Variants in SLC28A3 observed in about 807,000 individuals in gnomAD.
SLC28A3 encodes the protein concentrative Na(+)-nucleoside cotransporter 3.
SLC28A3 carries 68 observed loss-of-function variants against 84.2 expected under a neutral mutation model. The ratio of observed to expected loss-of-function variants is 0.81; its 90% CI spans 0.66 to 0.99. SLC28A3 has a LOEUF of 0.99. Ranked by LOEUF, SLC28A3 falls within the 50% of genes least tolerant of loss-of-function variation. SLC28A3 has a pLI of 0.00. For missense variants in SLC28A3, 712 were observed against 841.5 expected (o/e 0.85, Z 1.90); for synonymous variants, 267 against 303.6 (o/e 0.88, Z 1.25).
At chr9:84,363,694 G>C in the SLC28A3 span, among the ~76,000 whole-genome samples, 2 of 152,160 alleles carry the variant, frequency 1.3e-5, no homozygotes, top group Admixed American at 6.5e-5. Flanking sequence ...TTCTGAGTCA[G>C]AATGGGAAGT....
chr9:84,285,890 A>C (rs1824963171), intron 13 of SLC28A3, 53 bp downstream of exon 13: 1 of 1,555,726 alleles, frequency 6.4e-7, no homozygotes, highest in Non-Finnish European at 8.7e-7. Flanking sequence ...TTTTATTTTT[A>C]AACAAAGATA....
chr9:84,364,118 CTCT>C, the SLC28A3 span, among the ~76,000 whole-genome samples: 1 of 134,820 alleles, frequency 7.4e-6, no homozygotes, highest in Non-Finnish European at 1.5e-5. Context: ...TCCAGTTACA[CTCT>C]TTTTTTTTTT....
At chr9:84,304,776 C>A (rs936713381) in intron 4 of SLC28A3, among the ~76,000 whole-genome samples, 1 of 152,210 alleles carries the variant, frequency 6.6e-6, no homozygotes, top group Non-Finnish European at 1.5e-5. Context: ...AATCCCAGTA[C>A]TTTGGGAGGC....
chr9:84,338,641 T>A (rs1827059225), intron 1 of SLC28A3, among the ~76,000 whole-genome samples: 1 of 152,202 alleles, frequency 6.6e-6, no homozygotes, highest in Non-Finnish European at 1.5e-5. Context: ...TGTGCCCTCC[T>A]CCCTGGGAGC....
In SLC28A3 at chr9:84,340,729, C is replaced by T. The variant is rs897385982; in HGVS notation, c.-96G>A. 2.3e-5 allele frequency: 33 copies of T among 1,404,788 alleles called. No homozygotes were observed. In the Middle Eastern group the frequency reaches 1.0e-3, roughly 44 times the overall value. The allele number at this position is 1,404,788 out of a possible 1,614,324, so 87.0% of individuals were successfully genotyped here. A position where few individuals can be genotyped will look rare whatever the true frequency, so the allele number is the denominator to read the frequency against. ...GATGTCAGAAAGCCACCTGCTGTTA[C>T]AGGGACCTGGGCACAGCTTGCTTCA... On this transcript the variant is annotated 5_prime_UTR_variant, in exon 1 of 18. Transcript: ENST00000376238.
intron 3 of SLC28A3, among the ~76,000 whole-genome samples, chr9:84,306,643 G>A (rs1472015245): frequency 6.6e-6 from 1 of 152,064 alleles, no homozygotes; most frequent in African/African-American, 2.4e-5. Flanking sequence ...CCACACAAGA[G>A]AACTTCTCAG....
chr9:84,324,744 G>C (rs1197547640), intron 1 of SLC28A3, among the ~76,000 whole-genome samples: 1 of 152,156 alleles, frequency 6.6e-6, no homozygotes, highest in Non-Finnish European at 1.5e-5. Flanking sequence ...GTCAGTGAAT[G>C]ACCGTACATC....
chr9:84,352,861 G>A, the SLC28A3 span, among the ~76,000 whole-genome samples: 2 of 132,580 alleles, frequency 1.5e-5, no homozygotes, highest in African/African-American at 5.8e-5. Flanking sequence ...CGACTGAACT[G>A]CAGCCTGGGT....
Position 84,311,374 on chromosome 9 carries a change from C to A in SLC28A3, c.157-1660G>T, listed in dbSNP as rs1825981802. Among the ~76,000 whole-genome samples the A allele has an allele frequency of 3.3e-5, 5 of 152,096 alleles. 1 individual carries two copies. In the South Asian group the frequency reaches 1.0e-3, roughly 32 times the overall value. On this transcript the variant is annotated intron_variant, in intron 2 of 17. Coordinates refer to ENST00000376238, the MANE Select transcript of SLC28A3 (RefSeq NM_001199633.2). The stretch of plus-strand genomic sequence containing the variant: ...TATTGTCTACCCACCCTCACCTTCC[C>A]CACTATCAAATGAACCCAGAGAAGT...
At chr9:84,279,698 G>A (rs1015679140) in intron 16 of SLC28A3, among the ~76,000 whole-genome samples, 5 of 152,200 alleles carry the variant, frequency 3.3e-5, no homozygotes, top group Admixed American at 2.0e-4. Context: ...CAGGTGACCC[G>A]CCCGCCTTGG....
chr9:84,305,901 A>G (rs1019159985), intron 3 of SLC28A3, among the ~76,000 whole-genome samples: 1 of 152,120 alleles, frequency 6.6e-6, no homozygotes, highest in Non-Finnish European at 1.5e-5. Flanking sequence ...CTATTAACCA[A>G]TGGGTTGTCA....
intron 12 of SLC28A3, among the ~76,000 whole-genome samples, chr9:84,286,445 C>CTTGTTTTTT (rs1824990517): frequency 1.1e-5 from 1 of 87,680 alleles, no homozygotes; most frequent in Non-Finnish European, 2.1e-5. Flanking sequence ...CCATGCTTGG[C>CTTGTTTTTT]TTTTTTTTTT....
In SLC28A3 at chr9:84,299,914, T is replaced by A. The variant is rs557418238; in HGVS notation, c.525-189A>T. 6.6e-5 allele frequency among the ~76,000 whole-genome samples: 10 copies of A among 152,174 alleles called. No individual in the cohort carries two copies. The East Asian group carries it at 1.2e-3, about 18-fold the overall frequency. On this transcript the variant is annotated intron_variant, in intron 5 of 17. Coordinates refer to ENST00000376238, the MANE Select transcript of SLC28A3 (RefSeq NM_001199633.2). The stretch of plus-strand genomic sequence containing the variant: ...TTCAAGCAATTCTCCTGCCTCAGCC[T>A]CCCCAGTAGCTGGGATTATAGGCAT...
At chr9:84,341,733 A>G (rs1164117488), upstream of SLC28A3, among the ~76,000 whole-genome samples, 1 of 152,200 alleles carries the variant, frequency 6.6e-6, no homozygotes, top group African/African-American at 2.4e-5. Context: ...TGTTTTCATA[A>G]AGCAATTCAC....
At chr9:84,343,425 T>C (rs1327313074), upstream of SLC28A3, among the ~76,000 whole-genome samples, 2 of 152,176 alleles carry the variant, frequency 1.3e-5, no homozygotes, top group African/African-American at 4.8e-5. Flanking sequence ...TTATTTTTCT[T>C]TTCTTGTTAT....
the SLC28A3 span, among the ~76,000 whole-genome samples, chr9:84,368,189 A>G: frequency 6.6e-6 from 1 of 152,094 alleles, no homozygotes; most frequent in Admixed American, 6.5e-5. Flanking sequence ...GAGAATGGAG[A>G]TGACTTTTAC....
At chr9:84,285,316 T>G (rs1564146180) in intron 14 of SLC28A3, 29 bp downstream of exon 14, 1 of 1,603,036 alleles carries the variant, frequency 6.2e-7, no homozygotes, top group East Asian at 2.2e-5. Context: ...GATGAAGAAA[T>G]GTACTGAGAA....
intron 1 of SLC28A3, among the ~76,000 whole-genome samples, chr9:84,318,321 T>C (rs2118471732): frequency 6.6e-6 from 1 of 151,538 alleles, no homozygotes; most frequent in South Asian, 2.1e-4. Flanking sequence ...GAGGGATCTT[T>C]GGATTGGGTG....
In SLC28A3 at chr9:84,302,368, G is replaced by A. The variant is rs75061381; in HGVS notation, c.356C>T (p.Ser119Leu). 6.4e-4 allele frequency: 1,035 copies of A among 1,613,736 alleles called. 3 individuals carry two copies. The highest frequency in any genetic ancestry group is 3.4e-4 in the Non-Finnish European group (399 of 1,179,888). The change falls in exon 5 of 18, where the codon TCG (serine) becomes TTG (leucine). Residue 119 changes from serine (S) to leucine (L), a missense_variant. Ser to Leu is a moderately radical substitution (Grantham distance 145). Coordinates refer to ENST00000376238, the MANE Select transcript of SLC28A3 (RefSeq NM_001199633.2). The stretch of plus-strand genomic sequence containing the variant: ...TCTGTGAAAGTTCAGCACACAGGCC[G>A]AAATCACCATAACCAGATAACCTGT... ...LLAGYLVMVI[S>L]ACVLNFHRAL...
Sources: allele counts gnomAD v4.1 joint callset (sites outside exome capture counted in the v4.1 genomes callset), GRCh38; gene constraint gnomAD v4.1.1; transcripts MANE v1.5; gene names NCBI Gene and HGNC (gene_info 2026-07-23, HGNC 2026-07-21).